The following DNAH11 variants were observed in gnomAD, a reference collection of about 807,000 sequenced individuals.
The protein encoded by DNAH11 is dynein axonemal heavy chain 11.
A neutral mutation model predicts 526.0 loss-of-function variants in DNAH11; 442 were observed. The observed-to-expected ratio is 0.84, with a 90% CI of 0.78 to 0.91. The LOEUF (loss-of-function observed/expected upper bound fraction) is 0.91, where lower values mean the gene tolerates loss of function less well. Ranked by LOEUF, DNAH11 falls within the 40% of genes least tolerant of loss-of-function variation. The probability of loss-of-function intolerance (pLI) is 0.00; values close to 1 mark genes in which losing one functional copy is unlikely to be tolerated. For synonymous variants in DNAH11, 2,461 were observed against 1,935.9 expected (o/e 1.27, Z -7.12); for missense variants, 6,989 against 5,448.7 (o/e 1.28, Z -8.90).
At position 21,784,501 on chromosome 7, in the gene DNAH11, A is replaced by G. The variant is rs1274712847; in HGVS notation, c.9558A>G (p.Ala3186=). The G allele has an allele frequency of 8.7e-6, 14 of 1,613,274 alleles. No individual in the cohort carries two copies. Among genetic ancestry groups the G allele is most frequent in the Non-Finnish European group, 1.1e-5 (13 of 1,179,610 alleles). ...CEADLLKAEP[A]LVAATAALNT... is the part of the protein sequence containing the mutation. ...CTGACTTACTCAAGGCTGAGCCTGC[A>G]CTGGTGGCTGCTACAGCTGCACTCA... Residue 3186 remains alanine, a synonymous_variant, in exon 58 of 82, where the codon GCA becomes GCG. Transcript: ENST00000409508.
At chr7:21,840,680 C>G (rs1782172534) in intron 65 of DNAH11, among the ~76,000 whole-genome samples, 1 of 152,046 alleles carries the variant, frequency 6.6e-6, no homozygotes, top group Admixed American at 6.6e-5. Context: ...GAAAACATCT[C>G]ATGTACCCCA....
chr7:21,809,204 A>T (rs12671527), intron 63 of DNAH11, among the ~76,000 whole-genome samples: 59,708 of 151,674 alleles, frequency 0.39, 12,497 homozygotes, highest in East Asian at 0.82. Context: ...TATCTATTCA[A>T]GAACTTTGTC....
At chr7:21,849,000 C>G (rs1338462631) in intron 66 of DNAH11, among the ~76,000 whole-genome samples, 1 of 152,196 alleles carries the variant, frequency 6.6e-6, no homozygotes, top group Non-Finnish European at 1.5e-5. Flanking sequence ...ATTCTCCTGC[C>G]TCAGCCTCCC....
rs759071818 is a variant in DNAH11 at position 21,816,559 on chromosome 7, T to A, written c.10425T>A (p.Ser3475Arg). 12 of 1,613,260 alleles carry A rather than the reference T, an allele frequency of 7.4e-6. No homozygotes were observed. Among genetic ancestry groups the A allele is most frequent in the Non-Finnish European group, 9.3e-6 (11 of 1,179,712 alleles). Residue 3475 changes from serine (S) to arginine (R), a missense_variant, in exon 64 of 82, where the codon AGT (serine) becomes AGA (arginine). Physicochemically the swap from Ser to Arg is moderately radical, Grantham distance 110 (BLOSUM62 -1). Transcript: ENST00000409508. ...IAAWNNEGLP[S>R]DRMSTENAAI... ...CCTGGAATAACGAAGGACTGCCCAGTGACAGAATGTCCACCGAAAATGCCG... is the reference window on the plus strand; with the variant it reads ...CCTGGAATAACGAAGGACTGCCCAGAGACAGAATGTCCACCGAAAATGCCG...
chr7:21,654,352 G>T (rs1005034366), intron 28 of DNAH11, among the ~76,000 whole-genome samples: 1 of 152,052 alleles, frequency 6.6e-6, no homozygotes, highest in South Asian at 2.1e-4. Context: ...GTGGTATATT[G>T]TGACTAGTTT....
At chr7:21,593,442 T>C (rs1217723069) in intron 14 of DNAH11, among the ~76,000 whole-genome samples, 1 of 152,142 alleles carries the variant, frequency 6.6e-6, no homozygotes, top group African/African-American at 2.4e-5. Flanking sequence ...AACTGGGCAG[T>C]ACCTGGGGCC....
Position 21,718,532 on chromosome 7 carries a change from A to G in DNAH11, c.7134+607A>G, listed in dbSNP as rs1035595764. ...AGAGTTCATAATATCCCAGGGATAT[A>G]TTTTTTCTCATCTTCATCTTGAGAC... On this transcript the variant is annotated intron_variant, in intron 43 of 81. Coordinates refer to ENST00000409508, the MANE Select transcript of DNAH11 (RefSeq NM_001277115.2). 2.6e-5 allele frequency among the ~76,000 whole-genome samples: 4 copies of G among 152,052 alleles called. No homozygotes were observed. The East Asian group carries it at 5.8e-4, about 22-fold the overall frequency.
chr7:21,750,508 A>G, intron 54 of DNAH11, 144 bp downstream of exon 54: 1 of 1,119,660 alleles, frequency 8.9e-7, no homozygotes. Flanking sequence ...CTGTATCTGG[A>G]GCGTACCTTC....
chr7:21,676,682 G>A (rs1782905009), intron 30 of DNAH11, among the ~76,000 whole-genome samples: 1 of 152,174 alleles, frequency 6.6e-6, no homozygotes, highest in Non-Finnish European at 1.5e-5. Flanking sequence ...GGGAGGCTCA[G>A]GCAAGACAAT....
intron 73 of DNAH11, among the ~76,000 whole-genome samples, chr7:21,872,786 T>C (rs911985641): frequency 3.3e-5 from 5 of 152,250 alleles, no homozygotes; most frequent in African/African-American, 1.2e-4. Flanking sequence ...GCTTCCCTTA[T>C]TTCCTTTTGA....
chr7:21,543,670 T>A, intron 1 of DNAH11, 74 bp downstream of exon 1: 1 of 1,472,146 alleles, frequency 6.8e-7, no homozygotes, highest in South Asian at 1.3e-5. Flanking sequence ...TCGCTCCCCT[T>A]TGGATTCCCG....
intron 5 of DNAH11, among the ~76,000 whole-genome samples, chr7:21,562,060 C>G (rs1452481044): frequency 6.6e-6 from 1 of 152,146 alleles, no homozygotes; most frequent in Non-Finnish European, 1.5e-5. Context: ...GATCTGAATT[C>G]CTGTCCCAAC....
chr7:21,655,884 A>G lies in DNAH11; in HGVS notation c.4997A>G (p.Glu1666Gly), dbSNP rs776797803. 3 of 1,613,290 alleles carry G rather than the reference A, an allele frequency of 1.9e-6. No homozygotes were observed. Among genetic ancestry groups the G allele is most frequent in the Admixed American group, 3.3e-5 (2 of 59,906 alleles). ...LFDSIADLQF[E>G]DNQDVSAHRA... ...GACAGCATTGCAGATCTGCAGTTTG[A>G]AGACAATCAGGATGTTTCTGCACAC... The change falls in exon 29 of 82, where the codon GAA becomes GGA. Residue 1666 changes from glutamate to glycine, a missense_variant. By Grantham distance (98) the Glu-to-Gly change is moderately conservative. Coordinates refer to ENST00000409508, the MANE Select transcript of DNAH11 (RefSeq NM_001277115.2).
chr7:21,856,879 C>G (rs1451356260), intron 68 of DNAH11, among the ~76,000 whole-genome samples: 1 of 152,070 alleles, frequency 6.6e-6, no homozygotes, highest in Non-Finnish European at 1.5e-5. Context: ...CAACATTATA[C>G]TTAATGTTGA....
intron 2 of DNAH11, among the ~76,000 whole-genome samples, chr7:21,552,904 T>C (rs377461092): frequency 1.3e-5 from 2 of 152,094 alleles, no homozygotes; most frequent in African/African-American, 2.4e-5. Context: ...TCTGGACAAG[T>C]TGATACATAC....
At chr7:21,885,250 C>T (rs1011988169) in intron 76 of DNAH11, among the ~76,000 whole-genome samples, 2 of 145,660 alleles carry the variant, frequency 1.4e-5, no homozygotes, top group South Asian at 2.2e-4. Flanking sequence ...ATAGAATTCC[C>T]GTTAATATTT....
chr7:21,747,859 A>T (rs1410310540), intron 51 of DNAH11, among the ~76,000 whole-genome samples: 6 of 152,238 alleles, frequency 3.9e-5, no homozygotes. Flanking sequence ...TCTACAGCAA[A>T]GATTTCTGGC....
chr7:21,826,943 G>A (rs530679775), intron 65 of DNAH11, among the ~76,000 whole-genome samples: 7 of 152,308 alleles, frequency 4.6e-5, no homozygotes, highest in African/African-American at 1.4e-4. Context: ...AAATGTTTGT[G>A]ATAGATAAAG....
chr7:21,833,779 T>C (rs1292440764), intron 65 of DNAH11, among the ~76,000 whole-genome samples: 1 of 152,148 alleles, frequency 6.6e-6, no homozygotes, highest in Admixed American at 6.6e-5. Context: ...AGTTTTATTG[T>C]AGAGATGCAA....
Sources: gnomAD v4.1 joint callset for allele counts (sites outside exome capture counted in the v4.1 genomes callset) on GRCh38, gnomAD v4.1.1 for gene constraint, MANE v1.5 for transcripts, NCBI Gene and HGNC (gene_info 2026-07-23, HGNC 2026-07-21) for gene names.